Variants in DIAPH3 observed in about 807,000 individuals in gnomAD.
DIAPH3 encodes the protein diaphanous related formin 3, also known as protein diaphanous homolog 3.
DIAPH3 carries 117 observed loss-of-function variants against 144.3 expected under a neutral mutation model. The observed-to-expected ratio is 0.81, with a 90% CI of 0.70 to 0.95. DIAPH3 has a LOEUF of 0.95. Among genes scored for constraint, DIAPH3 ranks in the 40% least tolerant of loss-of-function variants. DIAPH3 has a pLI of 0.00. For synonymous variants in DIAPH3, 519 were observed against 488.9 expected (o/e 1.06, Z -0.81); for missense variants, 1,421 against 1,412.7 (o/e 1.01, Z -0.09).
intron 24 of DIAPH3, among the ~76,000 whole-genome samples, chr13:59,822,615 T>G (rs1593554267): frequency 1.3e-5 from 2 of 151,964 alleles, no homozygotes; most frequent in Non-Finnish European, 2.9e-5. Context: ...TAATTTTTTT[T>G]TGTATTTTAG....
intron 4 of DIAPH3, among the ~76,000 whole-genome samples, chr13:60,068,339 G>T (rs1206874508): frequency 6.6e-6 from 1 of 152,094 alleles, no homozygotes; most frequent in Non-Finnish European, 1.5e-5. Context: ...ATGTATGAAG[G>T]TATTTTTTCT....
intron 18 of DIAPH3, among the ~76,000 whole-genome samples, chr13:59,918,977 CAAA>C (rs2047381067): frequency 7.0e-6 from 1 of 142,126 alleles, no homozygotes; most frequent in Non-Finnish European, 1.5e-5. Flanking sequence ...TATTTTTTAA[CAAA>C]GAAAACAGTT....
intron 25 of DIAPH3, among the ~76,000 whole-genome samples, chr13:59,783,019 A>G (rs1476338127): frequency 6.6e-6 from 1 of 152,208 alleles, no homozygotes; most frequent in Admixed American, 6.5e-5. Context: ...ACTTTAAAGG[A>G]GCCATGAAGT....
chr13:59,881,027 G>C lies in DIAPH3; in HGVS notation c.2368-1559C>G, dbSNP rs530596837. The stretch of plus-strand genomic sequence containing the variant: ...AAGAAGAAATATCATTAAGTTTATA[G>C]AGTAAGTTTAAGCGATATGAAATTA... On this transcript the variant is annotated intron_variant, in intron 20 of 27. Transcript: ENST00000400324. Among the ~76,000 whole-genome samples the C allele has an allele frequency of 6.1e-5, 9 of 146,490 alleles. No individual in the cohort carries two copies. The East Asian group carries it at 8.0e-4, about 13-fold the overall frequency.
At chr13:59,994,294 T>C (rs1017629363) in intron 9 of DIAPH3, among the ~76,000 whole-genome samples, 2 of 151,964 alleles carry the variant, frequency 1.3e-5, no homozygotes, top group Admixed American at 6.6e-5. Flanking sequence ...CTAAAATGCA[T>C]TGTTTCTTTA....
intron 17 of DIAPH3, among the ~76,000 whole-genome samples, chr13:59,943,040 A>G (rs116168383): frequency 0.012 from 1,846 of 152,280 alleles, 38 homozygotes; most frequent in African/African-American, 0.042. Context: ...CATTTGTTGC[A>G]TCTACTTTTA....
At chr13:59,671,715 T>C (rs1014314373) in intron 27 of DIAPH3, among the ~76,000 whole-genome samples, 21 of 152,336 alleles carry the variant, frequency 1.4e-4, no homozygotes, top group Non-Finnish European at 2.9e-5. Flanking sequence ...TCCTTTAAGA[T>C]AGGAATACTT....
At chr13:59,890,773 T>C (rs564058718) in intron 20 of DIAPH3, among the ~76,000 whole-genome samples, 2 of 152,076 alleles carry the variant, frequency 1.3e-5, no homozygotes, top group Admixed American at 1.3e-4. Context: ...TTATAATTAA[T>C]AGTTTATGGG....
At chr13:59,888,709 C>T (rs1246351133) in intron 20 of DIAPH3, among the ~76,000 whole-genome samples, 1 of 152,010 alleles carries the variant, frequency 6.6e-6, no homozygotes, top group South Asian at 2.1e-4. Flanking sequence ...TCTGAGTTTC[C>T]ATCTGGCATA....
intron 17 of DIAPH3, among the ~76,000 whole-genome samples, chr13:59,948,001 C>T (rs2048888762): frequency 6.6e-6 from 1 of 152,070 alleles, no homozygotes; most frequent in Non-Finnish European, 1.5e-5. Flanking sequence ...ATACTAGTTG[C>T]CATTTTTAGA....
At chr13:59,758,581 C>T (rs1357575872) in intron 27 of DIAPH3, among the ~76,000 whole-genome samples, 1 of 152,046 alleles carries the variant, frequency 6.6e-6, no homozygotes, top group East Asian at 1.9e-4. Context: ...ATTCATCAAG[C>T]CATATACTTA....
chr13:59,864,929 C>T (rs1469132082), intron 21 of DIAPH3, among the ~76,000 whole-genome samples: 1 of 151,964 alleles, frequency 6.6e-6, no homozygotes, highest in Non-Finnish European at 1.5e-5. Context: ...AAAGACACCA[C>T]TCAAACTTTC....
chr13:59,951,347 G>C (rs1470481450), intron 17 of DIAPH3, among the ~76,000 whole-genome samples: 2 of 152,136 alleles, frequency 1.3e-5, no homozygotes, highest in Admixed American at 6.6e-5. Flanking sequence ...TGCTATGATT[G>C]TAAGTTTCCT....
intron 1 of DIAPH3, among the ~76,000 whole-genome samples, chr13:60,151,412 G>A (rs538141548): frequency 3.9e-4 from 60 of 152,250 alleles, no homozygotes; most frequent in Non-Finnish European, 6.6e-4. Context: ...TTAAGGGTGG[G>A]ACTTCAGAGC....
At position 59,867,051 on chromosome 13, in the gene DIAPH3, A is replaced by ATATT. The variant is rs200142713; in HGVS notation, c.2608-5519_2608-5516dup. Among the ~76,000 whole-genome samples the ATATT allele has an allele frequency of 2.0e-5, 3 of 148,482 alleles. No homozygotes were observed. In the South Asian group the frequency reaches 6.3e-4, roughly 31 times the overall value. On this transcript the variant is annotated intron_variant, in intron 21 of 27. Coordinates refer to ENST00000400324, the MANE Select transcript of DIAPH3 (RefSeq NM_001042517.2). ...ATGGGCTCTTGCTTTATTTACATAT[A>ATATT]TATTTATTTATTTATATATATAAAT...
chr13:59,886,886 T>C (rs1374163039), intron 20 of DIAPH3, among the ~76,000 whole-genome samples: 1 of 152,086 alleles, frequency 6.6e-6, no homozygotes, highest in Non-Finnish European at 1.5e-5. Context: ...CTCTAATGTA[T>C]TCATCTTTTA....
intron 3 of DIAPH3, among the ~76,000 whole-genome samples, chr13:60,105,103 A>AAAAAAAAAAAC (rs2058379585): frequency 6.1e-5 from 6 of 97,688 alleles, no homozygotes; most frequent in African/African-American, 2.1e-4. Flanking sequence ...CGATCTCAAA[A>AAAAAAAAAAAC]AAAAAAAAAA....
At chr13:59,862,235 G>A (rs1424835272) in intron 21 of DIAPH3, among the ~76,000 whole-genome samples, 4 of 152,114 alleles carry the variant, frequency 2.6e-5, no homozygotes, top group Non-Finnish European at 5.9e-5. Flanking sequence ...AAGGCATGTA[G>A]GGACATGGCA....
At chr13:60,121,425 G>A (rs936344755) in intron 2 of DIAPH3, among the ~76,000 whole-genome samples, 1 of 152,146 alleles carries the variant, frequency 6.6e-6, no homozygotes, top group Non-Finnish European at 1.5e-5. Flanking sequence ...GGTGGAAAAG[G>A]AGAAAGTAAC....
Sources: gnomAD v4.1 joint callset for allele counts (sites outside exome capture counted in the v4.1 genomes callset) on GRCh38, gnomAD v4.1.1 for gene constraint, MANE v1.5 for transcripts, NCBI Gene and HGNC (gene_info 2026-07-23, HGNC 2026-07-21) for gene names.